Variants in HEG1 observed in about 807,000 individuals in gnomAD.
HEG1 encodes the protein protein HEG homolog 1.
Under a neutral mutation model 125.6 loss-of-function variants are expected in HEG1, and 56 were observed. That is an observed-to-expected ratio of 0.45 (90% CI 0.36 to 0.56). HEG1 has a LOEUF of 0.56. Ranked by LOEUF, HEG1 falls within the 20% of genes least tolerant of loss-of-function variation. The pLI is 0.00. For missense variants in HEG1, 1,523 were observed against 1,670.0 expected (o/e 0.91, Z 1.53); for synonymous variants, 644 against 668.5 (o/e 0.96, Z 0.57).
At chr3:125,037,772 AAG>A (rs1202375955) in intron 1 of HEG1, among the ~76,000 whole-genome samples, 2 of 152,318 alleles carry the variant, frequency 1.3e-5, no homozygotes, top group Admixed American at 6.5e-5. Flanking sequence ...AATTCTTAAT[AAG>A]AGAGGCAGTG....
intron 1 of HEG1, among the ~76,000 whole-genome samples, chr3:125,033,557 G>A (rs1937518528): frequency 6.6e-6 from 1 of 152,110 alleles, no homozygotes; most frequent in Admixed American, 6.5e-5. Flanking sequence ...GCTAGCCCTC[G>A]TATGGGTGTG....
chr3:124,973,345 T>C (rs1366798657), intron 16 of HEG1, among the ~76,000 whole-genome samples: 1 of 152,092 alleles, frequency 6.6e-6, no homozygotes, highest in African/African-American at 2.4e-5. Context: ...ACCAATCCTC[T>C]AGTTTTAAGT....
intron 1 of HEG1, among the ~76,000 whole-genome samples, chr3:125,054,529 G>A (rs1186561398): frequency 1.3e-5 from 2 of 152,182 alleles, no homozygotes; most frequent in African/African-American, 4.8e-5. Context: ...TAAATGAATT[G>A]TCAATTATGC....
chr3:125,012,724 G>A lies in HEG1; in HGVS notation c.2855C>T (p.Thr952Ile). 1.2e-6 allele frequency: 2 copies of A among 1,614,036 alleles called. No individual in the cohort carries two copies. Among genetic ancestry groups the A allele is most frequent in the Non-Finnish European group, 1.7e-6 (2 of 1,179,902 alleles). The change falls in exon 6 of 17, where the codon ACC becomes ATC. Residue 952 changes from threonine (T) to isoleucine (I), a missense_variant. By Grantham distance (89) the Thr-to-Ile change is moderately conservative (BLOSUM62 -1). Transcript: ENST00000311127. The part of the protein sequence containing the change: ...RSLGTSPSPQ[T>I]TVVSTAEDLA... Reference sequence around the variant, plus strand: ...GTCTTCAGCCGTGGAAACAACTGTGGTTTGGGGAGAAGGAGATGTTCCGAG... The same window carrying A: ...GTCTTCAGCCGTGGAAACAACTGTGATTTGGGGAGAAGGAGATGTTCCGAG...
At chr3:125,054,024 G>A (rs1937873467) in intron 1 of HEG1, among the ~76,000 whole-genome samples, 1 of 152,272 alleles carries the variant, frequency 6.6e-6, no homozygotes, top group Non-Finnish European at 1.5e-5. Context: ...ACTACCCAGA[G>A]AAATCTGCCT....
At chr3:124,998,871 G>A (rs995515506) in intron 11 of HEG1, among the ~76,000 whole-genome samples, 1 of 152,014 alleles carries the variant, frequency 6.6e-6, no homozygotes, top group Non-Finnish European at 1.5e-5. Context: ...GTTGTTATTG[G>A]GGGGCAAGCT....
rs145495558 is a variant in HEG1, at chr3:125,012,782, C to T, written c.2797G>A (p.Val933Ile). 5.9e-4 allele frequency: 960 copies of T among 1,614,050 alleles called. 2 individuals carry two copies. The African/African-American group carries it at 0.01, about 18-fold the overall frequency. Residue 933 changes from valine to isoleucine, a missense_variant, in exon 6 of 17, where the codon GTT becomes ATT. Val to Ile is a conservative substitution (Grantham distance 29). Transcript: ENST00000311127. Reference protein sequence around the residue: ...SAKEMTTKLGVTAEYSPASRS... With the variant: ...SAKEMTTKLGITAEYSPASRS... Reference sequence around the variant, plus strand: ...GAAGCTGGGCTGTACTCTGCTGTAACGCCAAGCTTTGTGGTCATTTCTTTT... The same window carrying T: ...GAAGCTGGGCTGTACTCTGCTGTAATGCCAAGCTTTGTGGTCATTTCTTTT...
At chr3:124,999,414 A>G (rs1210086040) in intron 11 of HEG1, among the ~76,000 whole-genome samples, 1 of 152,244 alleles carries the variant, frequency 6.6e-6, no homozygotes, top group East Asian at 1.9e-4. Context: ...CCAGTCCTCA[A>G]GCCTTAATAT....
rs747670830 is a variant in HEG1 at position 125,013,450 on chromosome 3, G to A, written c.2129C>T (p.Thr710Ile). ...HLLKSTSDASTPWSSSPSPLP... is the reference protein window; with the variant it reads ...HLLKSTSDASIPWSSSPSPLP... ...AGGTGATGGTGAGGAAGACCATGGTGTGGATGCATCAGAGGTAGACTTTAG... is the reference window on the plus strand; with the variant it reads ...AGGTGATGGTGAGGAAGACCATGGTATGGATGCATCAGAGGTAGACTTTAG... Residue 710 changes from threonine (T) to isoleucine (I), a missense_variant, in exon 6 of 17, where the codon ACA becomes ATA. By Grantham distance (89) the Thr-to-Ile change is moderately conservative. Coordinates refer to ENST00000311127, the MANE Select transcript of HEG1 (RefSeq NM_020733.2). 1.5e-5 allele frequency: 24 copies of A among 1,613,804 alleles called. No homozygotes were observed. Among genetic ancestry groups the A allele is most frequent in the Non-Finnish European group, 1.9e-5 (22 of 1,179,826 alleles).
At chr3:125,034,829 G>C (rs954290842) in intron 1 of HEG1, among the ~76,000 whole-genome samples, 2 of 151,908 alleles carry the variant, frequency 1.3e-5, no homozygotes, top group Admixed American at 6.6e-5. Flanking sequence ...GAAAATAAAT[G>C]ATAACAGAAT....
intron 1 of HEG1, among the ~76,000 whole-genome samples, chr3:125,046,587 A>G (rs1937674532): frequency 6.6e-6 from 1 of 152,164 alleles, no homozygotes. Flanking sequence ...GCTAGTTTTC[A>G]ATAGAGCCTG....
chr3:125,042,992 T>C (rs1937607637), intron 1 of HEG1, among the ~76,000 whole-genome samples: 1 of 152,254 alleles, frequency 6.6e-6, no homozygotes, highest in Non-Finnish European at 1.5e-5. Context: ...CAGCCCTCGA[T>C]CTGGACTGTC....
At chr3:125,040,554 C>G (rs1302207120) in intron 1 of HEG1, among the ~76,000 whole-genome samples, 1 of 152,110 alleles carries the variant, frequency 6.6e-6, no homozygotes, top group Non-Finnish European at 1.5e-5. Context: ...TTCCTGGGAT[C>G]CTCAATTTGG....
At chr3:124,982,203 T>C (rs1430001834) in intron 14 of HEG1, among the ~76,000 whole-genome samples, 2 of 152,210 alleles carry the variant, frequency 1.3e-5, no homozygotes, top group Non-Finnish European at 2.9e-5. Context: ...CCCAGTCATA[T>C]ACATATTTTT....
chr3:124,975,619 G>A (rs1249795727), intron 15 of HEG1, among the ~76,000 whole-genome samples: 1 of 152,100 alleles, frequency 6.6e-6, no homozygotes, highest in Non-Finnish European at 1.5e-5. Context: ...CACAATTTTA[G>A]AACAGTTTCA....
rs1302760842 is a variant in HEG1, at chr3:125,010,427, T to C, written c.3073+12A>G. The C allele has an allele frequency of 7.2e-6, 11 of 1,530,098 alleles. No individual in the cohort carries two copies. The highest frequency in any genetic ancestry group is 9.8e-6 in the Non-Finnish European group (11 of 1,128,194). The allele number at this position is 1,530,098 out of a possible 1,614,324, so 94.8% of individuals were successfully genotyped here. On this transcript the variant is annotated intron_variant, in intron 7 of 16. Coordinates refer to ENST00000311127, the MANE Select transcript of HEG1 (RefSeq NM_020733.2). ...TGTGGTGCAGACCACTGGGCGTTACTTTTTCTCTTACCCACACTGCAATCA... is the reference window on the plus strand; with the variant it reads ...TGTGGTGCAGACCACTGGGCGTTACCTTTTCTCTTACCCACACTGCAATCA...
At chr3:125,020,704 G>A (rs1255547448) in intron 4 of HEG1, 88 bp downstream of exon 4, 1 of 1,069,744 alleles carries the variant, frequency 9.3e-7, no homozygotes, top group East Asian at 2.4e-5. Context: ...TTTCTCTGGA[G>A]ATTACAAATG....
intron 1 of HEG1, among the ~76,000 whole-genome samples, chr3:125,048,829 C>T (rs1937737253): frequency 6.6e-6 from 1 of 152,118 alleles, no homozygotes; most frequent in African/African-American, 2.4e-5. Flanking sequence ...GCAGATTCAC[C>T]ATGTATTCTG....
chr3:125,029,782 C>G (rs1170917031), intron 1 of HEG1, among the ~76,000 whole-genome samples: 2 of 152,098 alleles, frequency 1.3e-5, no homozygotes, highest in Non-Finnish European at 2.9e-5. Context: ...ATCCCATCTT[C>G]TAGGGAGGCT....
Sources: gnomAD v4.1 joint callset for allele counts (sites outside exome capture counted in the v4.1 genomes callset) on GRCh38, gnomAD v4.1.1 for gene constraint, MANE v1.5 for transcripts, NCBI Gene and HGNC (gene_info 2026-07-23, HGNC 2026-07-21) for gene names.